The following PTK2 variants were observed in gnomAD, a reference collection of about 807,000 sequenced individuals.
The protein encoded by PTK2 is protein tyrosine kinase 2, also known as focal adhesion kinase 1.
A neutral mutation model predicts 150.1 loss-of-function variants in PTK2; 45 were observed. The observed-to-expected ratio is 0.30, with a 90% CI of 0.24 to 0.38. The LOEUF (loss-of-function observed/expected upper bound fraction) is 0.38, where lower values mean the gene tolerates loss of function less well. Among genes scored for constraint, PTK2 ranks in the 10% least tolerant of loss-of-function variants. The pLI is 1.00. For synonymous variants in PTK2, 432 were observed against 449.2 expected (o/e 0.96, Z 0.48); for missense variants, 919 against 1,307.3 (o/e 0.70, Z 4.58).
intron 1 of PTK2, among the ~76,000 whole-genome samples, chr8:140,928,932 T>A (rs1380123542): frequency 6.6e-6 from 1 of 151,712 alleles, no homozygotes; most frequent in African/African-American, 2.4e-5. Flanking sequence ...AAATTTCACA[T>A]TTTTTAAAAT....
chr8:140,757,287 C>T (rs1343839982), intron 16 of PTK2, among the ~76,000 whole-genome samples: 1 of 152,104 alleles, frequency 6.6e-6, no homozygotes, highest in East Asian at 1.9e-4. Context: ...CTGTTTGTTT[C>T]TTTTTCACTA....
At chr8:140,756,238 G>A (rs991947067) in intron 16 of PTK2, among the ~76,000 whole-genome samples, 1 of 150,258 alleles carries the variant, frequency 6.7e-6, no homozygotes, top group Non-Finnish European at 1.5e-5. Flanking sequence ...CAGGAGAATC[G>A]CCTGAACCCG....
At chr8:140,995,557 C>G (rs2100197353) in intron 1 of PTK2, among the ~76,000 whole-genome samples, 1 of 151,982 alleles carries the variant, frequency 6.6e-6, no homozygotes, top group South Asian at 2.1e-4. Flanking sequence ...GTAATCCTAG[C>G]ACTTTGGGAA....
chr8:140,927,728 G>A (rs535832093), intron 1 of PTK2, among the ~76,000 whole-genome samples: 13 of 151,934 alleles, frequency 8.6e-5, no homozygotes, highest in South Asian at 4.2e-4. Flanking sequence ...GGCCAAGGCA[G>A]GTGGATGACC....
At chr8:140,924,481 T>A (rs768956543) in intron 2 of PTK2, among the ~76,000 whole-genome samples, 9 of 152,174 alleles carry the variant, frequency 5.9e-5, no homozygotes, top group Non-Finnish European at 1.3e-4. Flanking sequence ...CTTACTGAAG[T>A]GTAGGCCATA....
intron 1 of PTK2, among the ~76,000 whole-genome samples, chr8:140,936,892 C>A (rs939340744): frequency 6.6e-6 from 1 of 151,774 alleles, no homozygotes; most frequent in Admixed American, 6.6e-5. Flanking sequence ...AAGATGATAA[C>A]CTTTTAGAGA....
At chr8:140,731,866 G>A (rs746794041) in intron 22 of PTK2, among the ~76,000 whole-genome samples, 101 of 152,078 alleles carry the variant, frequency 6.6e-4, no homozygotes, top group Non-Finnish European at 1.6e-4. Context: ...TGGTGCCACC[G>A]CACTCTAGCC....
intron 2 of PTK2, among the ~76,000 whole-genome samples, chr8:140,906,339 G>A (rs2100160855): frequency 6.6e-6 from 1 of 152,052 alleles, no homozygotes; most frequent in South Asian, 2.1e-4. Flanking sequence ...TCCCAATACT[G>A]AATACATATT....
chr8:140,932,410 TTC>T (rs1204471434), intron 1 of PTK2, among the ~76,000 whole-genome samples: 1 of 151,880 alleles, frequency 6.6e-6, no homozygotes, highest in Non-Finnish European at 1.5e-5. Flanking sequence ...GAGAGGGGGT[TTC>T]ACCATCTTGG....
chr8:140,861,260 G>C lies in PTK2; in HGVS notation c.450+3052C>G, dbSNP rs972379666. Among the ~76,000 whole-genome samples the C allele has an allele frequency of 2.0e-5, 3 of 152,236 alleles. No homozygotes were observed. In the South Asian group the frequency reaches 6.2e-4, roughly 32 times the overall value. ...ACTACTCAGGAGGCTGAGGCAGGGCGATTGCTTGAGCCCAGAAGTTCAAGG... is the reference window on the plus strand; with the variant it reads ...ACTACTCAGGAGGCTGAGGCAGGGCCATTGCTTGAGCCCAGAAGTTCAAGG... On this transcript the variant is annotated intron_variant, in intron 5 of 31. Coordinates refer to ENST00000522684, the Ensembl canonical transcript of PTK2.
At chr8:140,787,786 CA>C (rs930195321) in intron 14 of PTK2, among the ~76,000 whole-genome samples, 19 of 152,134 alleles carry the variant, frequency 1.2e-4, no homozygotes, top group African/African-American at 4.1e-4. Context: ...TGGCAAGCAC[CA>C]AAAGGGCAGT....
At chr8:140,845,577 T>C (rs1192265187) in intron 7 of PTK2, among the ~76,000 whole-genome samples, 1 of 152,208 alleles carries the variant, frequency 6.6e-6, no homozygotes, top group African/African-American at 2.4e-5. Flanking sequence ...ACTTCCACTT[T>C]AGTTTCTAGC....
chr8:140,916,392 A>G (rs971636562), intron 2 of PTK2, among the ~76,000 whole-genome samples: 2 of 152,236 alleles, frequency 1.3e-5, no homozygotes, highest in Non-Finnish European at 1.5e-5. Context: ...TCCAGCCACA[A>G]TGCCATTTTC....
intron 1 of PTK2, among the ~76,000 whole-genome samples, chr8:140,973,105 G>A (rs1309230748): frequency 1.3e-5 from 2 of 152,154 alleles, no homozygotes; most frequent in African/African-American, 4.8e-5. Context: ...ATATCTAGGA[G>A]CAATAATAAT....
At chr8:140,900,306 A>G (rs1351444485) in intron 2 of PTK2, among the ~76,000 whole-genome samples, 1 of 152,236 alleles carries the variant, frequency 6.6e-6, no homozygotes, top group Non-Finnish European at 1.5e-5. Flanking sequence ...AACAATGTAT[A>G]AAATAAATCA....
chr8:140,871,283 A>G (rs970807547), intron 4 of PTK2, among the ~76,000 whole-genome samples: 10 of 152,262 alleles, frequency 6.6e-5, no homozygotes, highest in African/African-American at 2.4e-4. Flanking sequence ...ATATTTCAAA[A>G]TCAATTATAC....
chr8:140,830,517 A>C, exon 8 of PTK2: 2 of 1,528,292 alleles, frequency 1.3e-6, no homozygotes, highest in East Asian at 2.3e-5. Flanking sequence ...GCTTTAAACC[A>C]ACATCTTTTC....
At chr8:140,715,855 G>A (rs1263769987) in intron 23 of PTK2, among the ~76,000 whole-genome samples, 1 of 151,972 alleles carries the variant, frequency 6.6e-6, no homozygotes, top group African/African-American at 2.4e-5. Context: ...CAAAAAAGAA[G>A]CCAAGAAGCC....
At chr8:140,983,117 T>G (rs11780777) in intron 1 of PTK2, among the ~76,000 whole-genome samples, 64,313 of 151,956 alleles carry the variant, frequency 0.42, 15,340 homozygotes, top group Non-Finnish European at 0.55. Flanking sequence ...CCGGGTGTGG[T>G]GGCTCACACC....
Sources: gnomAD v4.1 joint callset for allele counts (sites outside exome capture counted in the v4.1 genomes callset) on GRCh38, gnomAD v4.1.1 for gene constraint, MANE v1.5 for transcripts, NCBI Gene and HGNC (gene_info 2026-07-23, HGNC 2026-07-21) for gene names.